SLC4A4: variants seen among roughly 807,000 people sequenced by gnomAD.
The protein encoded by SLC4A4 is electrogenic sodium bicarbonate cotransporter 1.
SLC4A4 carries 27 observed loss-of-function variants against 111.5 expected under a neutral mutation model. The ratio of observed to expected loss-of-function variants is 0.24; its 90% CI spans 0.18 to 0.33. SLC4A4 has a LOEUF of 0.33. Ranked by LOEUF, SLC4A4 falls within the 10% of genes least tolerant of loss-of-function variation. The probability of loss-of-function intolerance (pLI) is 1.00; values close to 1 mark genes in which losing one functional copy is unlikely to be tolerated. For missense variants in SLC4A4, 909 were observed against 1,315.5 expected, an observed-to-expected ratio of 0.69 and a Z score of 4.78; for synonymous variants, 443 against 463.4, an observed-to-expected ratio of 0.96 and a Z score of 0.57.
intron 2 of SLC4A4, among the ~76,000 whole-genome samples, chr4:71,174,645 A>G (rs1327164267): frequency 6.6e-6 from 1 of 152,208 alleles, no homozygotes; most frequent in Non-Finnish European, 1.5e-5. Flanking sequence ...TCTTCTCAGA[A>G]AGAGATATTT....
chr4:71,229,144 T>C (rs1412687952), intron 1 of SLC4A4, among the ~76,000 whole-genome samples: 2 of 152,210 alleles, frequency 1.3e-5, no homozygotes, highest in East Asian at 1.9e-4. Flanking sequence ...TCCATATAAA[T>C]TGTATAATGT....
At chr4:71,223,453 G>A (rs1321395931) in intron 1 of SLC4A4, among the ~76,000 whole-genome samples, 1 of 152,086 alleles carries the variant, frequency 6.6e-6, no homozygotes, top group Non-Finnish European at 1.5e-5. Context: ...GTGAGCCACC[G>A]TGCCCGGCCT....
chr4:71,491,525 C>T (rs888364480), intron 15 of SLC4A4, among the ~76,000 whole-genome samples: 6 of 151,700 alleles, frequency 4.0e-5, no homozygotes, highest in Non-Finnish European at 8.8e-5. Flanking sequence ...GGTTCATTGG[C>T]GTGTCTTAAT....
intron 3 of SLC4A4, 133 bp downstream of exon 3, chr4:71,255,532 A>T (rs1051342754): frequency 4.3e-5 from 43 of 989,006 alleles, no homozygotes; most frequent in Non-Finnish European, 5.8e-5. Context: ...GTTCTAAAGG[A>T]TAATGTCTGT....
At chr4:71,550,262 T>C (rs1735870095) in intron 20 of SLC4A4, among the ~76,000 whole-genome samples, 1 of 151,974 alleles carries the variant, frequency 6.6e-6, no homozygotes, top group Non-Finnish European at 1.5e-5. Context: ...GTTGTGATTC[T>C]TTACTTCAGT....
chr4:71,402,954 T>A (rs1332572731), intron 7 of SLC4A4, among the ~76,000 whole-genome samples: 1 of 152,236 alleles, frequency 6.6e-6, no homozygotes, highest in Admixed American at 6.5e-5. Flanking sequence ...GCTTAAACAG[T>A]TGACAGGGAT....
intron 16 of SLC4A4, among the ~76,000 whole-genome samples, chr4:71,524,893 T>A (rs1179662659): frequency 5.9e-5 from 9 of 152,160 alleles, no homozygotes; most frequent in Non-Finnish European, 1.3e-4. Context: ...CCTGTCGTTG[T>A]CCTTGTCTCT....
At chr4:71,356,974 T>C in intron 5 of SLC4A4, 34 bp from the exon 6 acceptor site, 1 of 1,608,088 alleles carries the variant, frequency 6.2e-7, no homozygotes, top group Non-Finnish European at 8.5e-7. Flanking sequence ...GTCTTGTGAC[T>C]GAGTTTTGTT....
intron 5 of SLC4A4, among the ~76,000 whole-genome samples, chr4:71,354,398 A>G (rs985520609): frequency 2.6e-5 from 4 of 152,184 alleles, no homozygotes; most frequent in Admixed American, 2.0e-4. Context: ...AAACTAATGC[A>G]TGTTCATTTT....
At chr4:71,454,911 G>A (rs777668294) in intron 12 of SLC4A4, among the ~76,000 whole-genome samples, 10 of 152,034 alleles carry the variant, frequency 6.6e-5, no homozygotes, top group Non-Finnish European at 1.2e-4. Context: ...TTGAGGTCAC[G>A]CAGCAGCTTC....
intron 11 of SLC4A4, among the ~76,000 whole-genome samples, chr4:71,451,552 G>C (rs950305860): frequency 2.6e-5 from 4 of 152,130 alleles, no homozygotes; most frequent in Non-Finnish European, 4.4e-5. Flanking sequence ...TGGTTTTATG[G>C]GGAAAATTAA....
At chr4:71,082,301 A>G (rs1314334491) in intron 1 of SLC4A4, among the ~76,000 whole-genome samples, 1 of 151,500 alleles carries the variant, frequency 6.6e-6, no homozygotes, top group Non-Finnish European at 1.5e-5. Flanking sequence ...CCAGTTATAT[A>G]GTTCAAGTTT....
chr4:71,255,346 A>G lies in SLC4A4; in HGVS notation c.200A>G (p.Lys67Arg). Residue 67 changes from lysine (K) to arginine (R), a missense_variant, in exon 3 of 26, where the codon AAA (lysine) becomes AGA (arginine). Lys to Arg is a conservative substitution (Grantham distance 26, BLOSUM62 2). Transcript: ENST00000264485. ...KERISENYSDKSDIENADESS... is the reference protein window; with the variant it reads ...KERISENYSDRSDIENADESS... ...AGAATCTCTGAGAACTACTCTGACA[A>G]ATCAGATATTGAAAATGCTGATGAA... 3.7e-6 allele frequency: 6 copies of G among 1,613,652 alleles called. No homozygotes were observed. Among genetic ancestry groups the G allele is most frequent in the Non-Finnish European group, 5.1e-6 (6 of 1,179,652 alleles).
intron 1 of SLC4A4, among the ~76,000 whole-genome samples, chr4:71,189,696 G>A (rs895006311): frequency 1.3e-5 from 2 of 152,212 alleles, no homozygotes; most frequent in East Asian, 1.9e-4. Flanking sequence ...GCCTCTGTGA[G>A]CGCTGTAGAC....
chr4:71,322,914 G>A (rs528583142), intron 3 of SLC4A4, among the ~76,000 whole-genome samples: 2 of 151,988 alleles, frequency 1.3e-5, no homozygotes, highest in East Asian at 3.9e-4. Flanking sequence ...CTATGCCCAT[G>A]GGATTATTTT....
intron 16 of SLC4A4, among the ~76,000 whole-genome samples, chr4:71,507,703 A>T (rs1438931441): frequency 6.6e-6 from 1 of 152,148 alleles, no homozygotes; most frequent in African/African-American, 2.4e-5. Flanking sequence ...AAATTAACAA[A>T]GGTATTCAAG....
chr4:71,362,826 G>A (rs935326781), intron 6 of SLC4A4, among the ~76,000 whole-genome samples: 2 of 152,140 alleles, frequency 1.3e-5, no homozygotes, highest in African/African-American at 4.8e-5. Flanking sequence ...CAGCTCCAAG[G>A]AGAGCGGCTG....
Position 71,451,222 on chromosome 4 carries a change from A to G in SLC4A4, c.1243A>G (p.Met415Val), listed in dbSNP as rs540927022. Residue 415 changes from methionine (M) to valine (V), a missense_variant, in exon 11 of 26, where the codon ATG (methionine) becomes GTG (valine). Met to Val is a conservative substitution (Grantham distance 21, BLOSUM62 1). This residue lies in a region of SLC4A4 where 312 missense variants were observed against 402.0 expected (regional missense o/e 0.78). Coordinates refer to ENST00000264485, the MANE Select transcript of SLC4A4 (RefSeq NM_001098484.3). The stretch of plus-strand genomic sequence containing the variant: ...GTACTCAGGTGGAGAGAATGTTCAG[A>G]TGAATGGGGATACGCCCCATGATGG... ...NMYSGGENVQ[M>V]NGDTPHDGGH... The G allele has an allele frequency of 2.5e-6, 4 of 1,612,364 alleles. No individual in the cohort carries two copies. The East Asian group carries it at 8.9e-5, about 36-fold the overall frequency.
rs954377168 is a variant in SLC4A4, at chr4:71,451,357, C to T, written c.1322+56C>T. 88 of 1,108,732 alleles carry T rather than the reference C, an allele frequency of 7.9e-5. No homozygotes were observed. In the African/African-American group the frequency reaches 1.3e-3, roughly 16 times the overall value. The allele number at this position is 1,108,732 out of a possible 1,614,324, so 68.7% of individuals were successfully genotyped here. On this transcript the variant is annotated intron_variant, in intron 11 of 25. Transcript: ENST00000264485. ...TGAGGTTCTCCTTAAATGTAAATTT[C>T]CCTTCATCTATCAACATATTATTCA...
Sources: allele counts gnomAD v4.1 joint callset (sites outside exome capture counted in the v4.1 genomes callset), GRCh38; gene constraint gnomAD v4.1.1; regional missense constraint gnomAD v4.1.1; transcripts MANE v1.5; gene names NCBI Gene and HGNC (gene_info 2026-07-23, HGNC 2026-07-21).